CENATAC: variants seen among roughly 807,000 people sequenced by gnomAD.
CENATAC encodes the protein coiled-coil domain containing 84.
In CENATAC, 53 loss-of-function variants were observed where a neutral mutation model predicts 53.7. That is an observed-to-expected ratio of 0.99 (90% CI 0.79 to 1.24). The LOEUF (loss-of-function observed/expected upper bound fraction) is 1.24, where lower values mean the gene tolerates loss of function less well. CENATAC is among the 50% of genes most tolerant of loss of function. CENATAC has a pLI of 0.00. For missense variants in CENATAC, 474 were observed against 417.8 expected, an observed-to-expected ratio of 1.13 and a Z score of -1.17; for synonymous variants, 156 against 144.6, an observed-to-expected ratio of 1.08 and a Z score of -0.57.
intron 5 of CENATAC, among the ~76,000 whole-genome samples, chr11:119,011,591 C>T (rs1305722353): frequency 1.3e-5 from 2 of 152,124 alleles, no homozygotes; most frequent in Non-Finnish European, 2.9e-5. Context: ...GTTGGCCAGG[C>T]TGGTCTTGAA....
At chr11:119,010,948 C>G (rs117238378) in intron 4 of CENATAC, 118 bp downstream of exon 4, 12,061 of 821,846 alleles carry the variant, frequency 0.015, 199 homozygotes, top group East Asian at 0.042. Flanking sequence ...TGCTCCACCT[C>G]AGATCATCAG....
intron 3 of CENATAC, among the ~76,000 whole-genome samples, chr11:119,007,752 G>A (rs1942675587): frequency 6.6e-6 from 1 of 152,192 alleles, no homozygotes; most frequent in Non-Finnish European, 1.5e-5. Flanking sequence ...ATCCCAAAGT[G>A]TTGAGATTAC....
rs1207585093 is a variant in CENATAC, at chr11:118,998,602, C to T, written c.284+9C>T. On this transcript the variant is annotated intron_variant, in intron 2 of 10. Transcript: ENST00000334418. ...CTGGAGCATCTGGCCAGGTGAGAGCCGAGCTAGGAGCCTGCTCCAGCACAG... is the reference window on the plus strand; with the variant it reads ...CTGGAGCATCTGGCCAGGTGAGAGCTGAGCTAGGAGCCTGCTCCAGCACAG... The T allele has an allele frequency of 1.7e-5, 27 of 1,555,614 alleles. No homozygotes were observed. Among genetic ancestry groups the T allele is most frequent in the Non-Finnish European group, 2.3e-5 (26 of 1,149,090 alleles).
intron 7 of CENATAC, 63 bp downstream of exon 7, chr11:119,012,317 C>T: frequency 6.3e-7 from 1 of 1,575,476 alleles, no homozygotes; most frequent in East Asian, 2.3e-5. Flanking sequence ...ACCCCTTTCT[C>T]CTGATTTTCT....
chr11:119,012,274 C>G lies in CENATAC; in HGVS notation c.684+20C>G. On this transcript the variant is annotated intron_variant, in intron 7 of 10. Transcript: ENST00000334418. ...CATCAGGTACAAAGGATAAGCAAGC[C>G]AGAAGAGGGCCAATGGTCCCTCAGG... is the stretch of plus-strand genomic sequence containing the variant. The G allele has an allele frequency of 6.2e-7, 1 of 1,612,798 alleles. No individual in the cohort carries two copies. Among genetic ancestry groups the G allele is most frequent in the Non-Finnish European group, 8.5e-7 (1 of 1,179,160 alleles).
At chr11:119,015,472 C>G in intron 10 of CENATAC, 33 bp downstream of exon 10, 6 of 1,613,776 alleles carry the variant, frequency 3.7e-6, no homozygotes, top group Non-Finnish European at 5.1e-6. Context: ...CTCCAACCTA[C>G]CCATCCAACC....
chr11:119,003,453 A>C, intron 3 of CENATAC: 1 of 467,308 alleles, frequency 2.1e-6, no homozygotes, highest in Non-Finnish European at 4.1e-6. Flanking sequence ...CCATCTTGTG[A>C]AAAGGGGCTG....
chr11:119,011,261 A>G lies in CENATAC; in HGVS notation c.491A>G (p.Glu164Gly). The G allele has an allele frequency of 6.2e-7, 1 of 1,614,096 alleles. No homozygotes were observed. The highest frequency in any genetic ancestry group is 1.7e-4 in the Middle Eastern group (1 of 6,060). Reference protein sequence around the residue: ...QIREVEQSRQEVVRSVLEPQA... With the variant: ...QIREVEQSRQGVVRSVLEPQA... Reference sequence around the variant, plus strand: ...CGTGAGGTGGAGCAGAGCCGACAGGAGGTGGTTCGGTCTGTCTTAGAGGTT... The same window carrying G: ...CGTGAGGTGGAGCAGAGCCGACAGGGGGTGGTTCGGTCTGTCTTAGAGGTT... The change falls in exon 5 of 11, where the codon GAG becomes GGG. Residue 164 changes from glutamate (E) to glycine (G), a missense_variant. Glu to Gly is a moderately conservative substitution (Grantham distance 98). Transcript: ENST00000334418.
Position 119,013,266 on chromosome 11 carries a change from A to G in CENATAC, c.715+4A>G. On this transcript the variant is annotated splice_donor_region_variant and intron_variant, in intron 8 of 10. Coordinates refer to ENST00000334418, the MANE Select transcript of CENATAC (RefSeq NM_198489.3). ...GGAGTTGGTAACATCCACTCAGGTA[A>G]GGTCCAGGGCAGTGTTTTTAAAACC... The G allele has an allele frequency of 6.2e-7, 1 of 1,607,080 alleles. No homozygotes were observed. Among genetic ancestry groups the G allele is most frequent in the Non-Finnish European group, 8.5e-7 (1 of 1,176,738 alleles).
rs1260361812 is a variant in CENATAC at position 119,013,250 on chromosome 11, A to G, written c.703A>G (p.Asn235Asp). ...ACTACAGGATATACCAGGAGTTGGT[A>G]ACATCCACTCAGGTAAGGTCCAGGG... ...IGHQDIPGVGNIHSGATPPWM... is the reference protein window; with the variant it reads ...IGHQDIPGVGDIHSGATPPWM... The change falls in exon 8 of 11, where the codon AAC becomes GAC. Residue 235 changes from asparagine to aspartate, a missense_variant. Physicochemically the swap from Asn to Asp is conservative, Grantham distance 23. Coordinates refer to ENST00000334418, the MANE Select transcript of CENATAC (RefSeq NM_198489.3). 1.9e-6 allele frequency: 3 copies of G among 1,610,614 alleles called. No individual in the cohort carries two copies. The highest frequency in any genetic ancestry group is 1.3e-5 in the African/African-American group (1 of 74,578).
intron 2 of CENATAC, 68 bp downstream of exon 2, chr11:118,998,661 G>A (rs1942135390): frequency 2.0e-6 from 3 of 1,502,384 alleles, no homozygotes; most frequent in Non-Finnish European, 8.9e-7. Context: ...GTTTGGGGTG[G>A]GTGAGAAAAA....
chr11:118,998,395 C>A, intron 1 of CENATAC, 35 bp from the exon 2 acceptor site: 1 of 1,612,106 alleles, frequency 6.2e-7, no homozygotes. Context: ...ATTTGGGGGT[C>A]CCCCTCGGGG....
chr11:119,015,392 G>A lies in CENATAC; in HGVS notation c.891G>A (p.Leu297=). 6.2e-7 allele frequency: 1 copy of A among 1,614,210 alleles called. No individual in the cohort carries two copies. Among genetic ancestry groups the A allele is most frequent in the South Asian group, 1.1e-5 (1 of 91,090 alleles). Residue 297 remains leucine, a synonymous_variant, in exon 10 of 11, where the codon CTG becomes CTA. Transcript: ENST00000334418. The stretch of plus-strand genomic sequence containing the variant: ...GCTCCAGGACCAGTGCAGGCTGGCT[G>A]CCCTCTTTTGGCCGCGTCTGGAATA... ...DHSSRTSAGW[L]PSFGRVWNNG...
rs1592072001 is a variant in CENATAC, at chr11:119,010,835, G to A, written c.450+5G>A. The A allele has an allele frequency of 1.9e-6, 3 of 1,613,802 alleles. No homozygotes were observed. Among genetic ancestry groups the A allele is most frequent in the Non-Finnish European group, 2.5e-6 (3 of 1,179,714 alleles). Reference sequence around the variant, plus strand: ...GAGGATAAAGTGATCAAGGAGGTAAGTTAAAGTAGCAGTCCCTCACCCTTT... The same window carrying A: ...GAGGATAAAGTGATCAAGGAGGTAAATTAAAGTAGCAGTCCCTCACCCTTT... On this transcript the variant is annotated splice_donor_5th_base_variant and intron_variant, in intron 4 of 10. Transcript: ENST00000334418.
At chr11:119,003,621 C>CTTT (rs138779092) in intron 3 of CENATAC, 31,442 of 128,608 alleles carry the variant, frequency 0.24, 4,564 homozygotes, top group Middle Eastern at 0.29. Context: ...ATTTCTCTCT[C>CTTT]TTTTTTTTTT....
intron 8 of CENATAC, chr11:119,014,182 A>C (rs1268309397): frequency 6.6e-6 from 1 of 152,288 alleles, no homozygotes; most frequent in Non-Finnish European, 1.5e-5. Flanking sequence ...TAGCAGCTCC[A>C]AATTGGAAAC....
At chr11:119,007,610 C>T (rs781821602) in intron 3 of CENATAC, among the ~76,000 whole-genome samples, 2 of 152,152 alleles carry the variant, frequency 1.3e-5, no homozygotes, top group Non-Finnish European at 2.9e-5. Context: ...CCACCCCAGC[C>T]TTCCAAGTAT....
chr11:119,002,473 G>C (rs1372276924), intron 3 of CENATAC, among the ~76,000 whole-genome samples: 1 of 151,534 alleles, frequency 6.6e-6, no homozygotes, highest in African/African-American at 2.4e-5. Context: ...AGAGTAGGTG[G>C]AATTACAGGC....
chr11:119,014,045 G>GT (rs1327685559), intron 8 of CENATAC: 1 of 152,096 alleles, frequency 6.6e-6, no homozygotes, highest in East Asian at 1.9e-4. Flanking sequence ...ATGTAAACTG[G>GT]TACAGTCACT....
Sources: allele counts gnomAD v4.1 joint callset (sites outside exome capture counted in the v4.1 genomes callset), GRCh38; gene constraint gnomAD v4.1.1; transcripts MANE v1.5; gene names NCBI Gene and HGNC (gene_info 2026-07-23, HGNC 2026-07-21).